MAP4: variants seen among roughly 807,000 people sequenced by gnomAD.
MAP4 encodes the protein microtubule associated protein 4.
MAP4 carries 76 observed loss-of-function variants against 170.2 expected under a neutral mutation model. That is an observed-to-expected ratio of 0.45 (90% CI 0.37 to 0.54). The LOEUF is 0.54. Ranked by LOEUF, MAP4 falls within the 20% of genes least tolerant of loss-of-function variation. MAP4 has a pLI of 0.00. For synonymous variants in MAP4, 909 were observed against 994.5 expected, an observed-to-expected ratio of 0.91 and a Z score of 1.62; for missense variants, 2,506 against 2,748.0, an observed-to-expected ratio of 0.91 and a Z score of 1.97.
At chr3:47,975,399 C>T (rs1403821192) in intron 3 of MAP4, 46 of 1,556,372 alleles carry the variant, frequency 3.0e-5, no homozygotes, top group Admixed American at 3.9e-5. Context: ...AGAAGTATAA[C>T]GATGCTTAGG....
chr3:47,930,451 CAAAA>C (rs1310181534), intron 3 of MAP4, among the ~76,000 whole-genome samples: 2 of 94,780 alleles, frequency 2.1e-5, no homozygotes, highest in East Asian at 6.2e-4. Flanking sequence ...GACTCCGTCT[CAAAA>C]AAAAAAACAA....
intron 1 of MAP4, among the ~76,000 whole-genome samples, chr3:48,040,277 A>AT (rs1049011564): frequency 1.6e-4 from 24 of 150,854 alleles, no homozygotes; most frequent in Middle Eastern, 6.9e-3. Flanking sequence ...TTATTTTTTT[A>AT]TTTTTTTTTG....
At chr3:47,976,878 GAAT>G (rs1237440152) in intron 3 of MAP4, among the ~76,000 whole-genome samples, 3 of 152,122 alleles carry the variant, frequency 2.0e-5, no homozygotes, top group Non-Finnish European at 4.4e-5. Flanking sequence ...ATAGAATAAA[GAAT>G]AAATCCTAGA....
In MAP4 at chr3:47,907,078, G is replaced by A. The variant is rs193301004; in HGVS notation, c.5383+1960C>T. 3.3e-5 allele frequency among the ~76,000 whole-genome samples: 5 copies of A among 152,174 alleles called. No homozygotes were observed. In the East Asian group the frequency reaches 7.7e-4, roughly 24 times the overall value. On this transcript the variant is annotated intron_variant, in intron 9 of 20. Transcript: ENST00000683076. ...TCGAACTCCTGACCTCAGGTGATCC[G>A]CCTGCCTCGGCCTCCCAAAGTGCTG...
chr3:47,920,367 A>AC (rs2100042131), intron 5 of MAP4, among the ~76,000 whole-genome samples: 1 of 152,084 alleles, frequency 6.6e-6, no homozygotes. Context: ...TCTGCCTCCC[A>AC]AAGTGCTGGG....
intron 3 of MAP4, among the ~76,000 whole-genome samples, chr3:47,957,912 A>G (rs1428355367): frequency 6.6e-6 from 1 of 152,188 alleles, no homozygotes; most frequent in Non-Finnish European, 1.5e-5. Context: ...TCACTATTAT[A>G]TCTAGCAATC....
In MAP4 at chr3:47,998,253, G is replaced by A. The variant is rs566857388; in HGVS notation, c.223+385C>T. ...GCTTTAATTATGCTTTAATCCTGAG[G>A]TGGGATGACTCCAAAGACAACAAAT... On this transcript the variant is annotated intron_variant, in intron 2 of 20. Coordinates refer to ENST00000683076, the MANE Select transcript of MAP4 (RefSeq NM_001385682.1). Among the ~76,000 whole-genome samples the A allele has an allele frequency of 2.3e-4, 35 of 152,252 alleles. No individual in the cohort carries two copies. In the South Asian group the frequency reaches 6.0e-3, roughly 26 times the overall value.
At chr3:47,891,429 G>A (rs763846164) in intron 10 of MAP4, 30 of 1,533,882 alleles carry the variant, frequency 2.0e-5, no homozygotes, top group Non-Finnish European at 2.4e-5. Flanking sequence ...GTCATGGAGC[G>A]CTTCATAGCA....
intron 17 of MAP4, among the ~76,000 whole-genome samples, chr3:47,862,608 G>A (rs554704048): frequency 6.6e-6 from 1 of 152,134 alleles, no homozygotes; most frequent in African/African-American, 2.4e-5. Context: ...CTCCTGAGTA[G>A]CTGGTACTAC....
chr3:48,031,679 C>T (rs1223159178), intron 1 of MAP4, among the ~76,000 whole-genome samples: 4 of 152,126 alleles, frequency 2.6e-5, no homozygotes, highest in African/African-American at 9.7e-5. Context: ...AAGCCACGAT[C>T]GTGCCACTGC....
At chr3:47,953,927 T>G (rs1426986592) in intron 3 of MAP4, among the ~76,000 whole-genome samples, 1 of 151,842 alleles carries the variant, frequency 6.6e-6, no homozygotes, top group Non-Finnish European at 1.5e-5. Context: ...GGCATGAGAA[T>G]TGCTTGAACC....
chr3:48,074,723 T>TGTGTGTGTGTGTGTGTGTGA (rs1559906380), intron 1 of MAP4, among the ~76,000 whole-genome samples: 18 of 149,296 alleles, frequency 1.2e-4, no homozygotes, highest in African/African-American at 3.2e-4. Context: ...TGTGTGTGTG[T>TGTGTGTGTGTGTGTGTGTGA]GTGATATGTC....
intron 15 of MAP4, among the ~76,000 whole-genome samples, chr3:47,869,627 C>G (rs980416010): frequency 6.6e-6 from 1 of 152,142 alleles, no homozygotes; most frequent in Non-Finnish European, 1.5e-5. Flanking sequence ...ATTAGTGATT[C>G]TGAGAGTGTG....
chr3:48,018,551 C>CA (rs2100108950), upstream of MAP4, among the ~76,000 whole-genome samples: 1 of 152,084 alleles, frequency 6.6e-6, no homozygotes, highest in Non-Finnish European at 1.5e-5. Context: ...GTAATCCCAG[C>CA]ACTCAGCACT....
intron 18 of MAP4, among the ~76,000 whole-genome samples, chr3:47,856,642 T>G (rs2057052245): frequency 6.6e-6 from 1 of 152,064 alleles, no homozygotes; most frequent in Non-Finnish European, 1.5e-5. Flanking sequence ...GGCCAGGCTG[T>G]TCTCAAACTC....
chr3:47,956,004 CA>C (rs2100067598), intron 3 of MAP4, among the ~76,000 whole-genome samples: 1 of 152,016 alleles, frequency 6.6e-6, no homozygotes, highest in African/African-American at 2.4e-5. Context: ...ATTCACCTTT[CA>C]AAAAATAGTT....
At chr3:47,887,392 G>A (rs192227229) in intron 10 of MAP4, among the ~76,000 whole-genome samples, 43 of 152,306 alleles carry the variant, frequency 2.8e-4, no homozygotes, top group Middle Eastern at 3.4e-3. Flanking sequence ...CAGCAGTGCC[G>A]GCCCATAAGT....
At chr3:47,938,630 G>A (rs762758425) in intron 3 of MAP4, among the ~76,000 whole-genome samples, 6 of 152,114 alleles carry the variant, frequency 3.9e-5, no homozygotes, top group Non-Finnish European at 5.9e-5. Flanking sequence ...GCAATCCTCC[G>A]GATTTGACCT....
intron 1 of MAP4, among the ~76,000 whole-genome samples, chr3:48,077,479 A>G (rs2100144538): frequency 6.6e-6 from 1 of 151,054 alleles, no homozygotes; most frequent in Non-Finnish European, 1.5e-5. Context: ...GAAAGAGAAG[A>G]AAAAAATAAT....
Sources: gnomAD v4.1 joint callset for allele counts (sites outside exome capture counted in the v4.1 genomes callset) on GRCh38, gnomAD v4.1.1 for gene constraint, MANE v1.5 for transcripts, NCBI Gene and HGNC (gene_info 2026-07-23, HGNC 2026-07-21) for gene names.